Variants in MYO7B observed in about 807,000 individuals in gnomAD.
The protein encoded by MYO7B is unconventional myosin-VIIb.
In MYO7B, 212 loss-of-function variants were observed where a neutral mutation model predicts 259.7. The observed-to-expected ratio is 0.82, with a 90% CI of 0.73 to 0.91. The LOEUF (loss-of-function observed/expected upper bound fraction) is 0.91, where lower values mean the gene tolerates loss of function less well. Ranked by LOEUF, MYO7B falls within the 40% of genes least tolerant of loss-of-function variation. The probability of loss-of-function intolerance (pLI) is 0.00; values close to 1 mark genes in which losing one functional copy is unlikely to be tolerated. For missense variants in MYO7B, 2,732 were observed against 2,813.5 expected (o/e 0.97, Z 0.66); for synonymous variants, 1,197 against 1,166.4 (o/e 1.03, Z -0.54).
chr2:127,590,249 G>A lies in MYO7B; in HGVS notation c.1992+20G>A. ...CCGCTGGTAATGACAGGAGGCTGGG[G>A]CACAGCAAAGGAGGGAGGAGGAGGA... is the stretch of plus-strand genomic sequence containing the variant. On this transcript the variant is annotated intron_variant, in intron 16 of 47. Transcript: ENST00000409816. This position sits in a 1 kb window ranked among gnomAD's most constrained non-coding sequence, Gnocchi z 4.6. 2 of 1,612,502 alleles carry A rather than the reference G, an allele frequency of 1.2e-6. No individual in the cohort carries two copies. The highest frequency in any genetic ancestry group is 2.2e-5 in the South Asian group (2 of 91,046).
chr2:127,565,454 G>A lies in MYO7B; in HGVS notation c.285+69G>A, dbSNP rs1678293549. 5.1e-6 allele frequency: 8 copies of A among 1,580,076 alleles called. No individual in the cohort carries two copies. In the Admixed American group the frequency reaches 1.2e-4, roughly 24 times the overall value. ...GTGCCAACCTCCTGGACAGGGAGAAGAAAATGATGCACAGGGGGCACTGCC... is the reference window on the plus strand; with the variant it reads ...GTGCCAACCTCCTGGACAGGGAGAAAAAAATGATGCACAGGGGGCACTGCC... On this transcript the variant is annotated intron_variant, in intron 4 of 47. Coordinates refer to ENST00000409816, the MANE Select transcript of MYO7B (RefSeq NM_001393586.1).
chr2:127,593,025 C>A, intron 17 of MYO7B, 79 bp downstream of exon 17: 1 of 1,505,130 alleles, frequency 6.6e-7, no homozygotes, highest in Non-Finnish European at 9.0e-7. Context: ...CCCCCAGTAC[C>A]GAGGGGGTCT....
At chr2:127,578,386 G>GA in intron 9 of MYO7B, 100 bp downstream of exon 9, 3 of 1,460,922 alleles carry the variant, frequency 2.1e-6, no homozygotes, top group Non-Finnish European at 2.8e-6. Context: ...AGGATCCTGT[G>GA]GTCCAACCCA....
Position 127,592,903 on chromosome 2 carries a change from C to T in MYO7B, c.2102C>T (p.Ser701Leu), listed in dbSNP as rs751945329. Residue 701 changes from serine to leucine, a missense_variant, in exon 17 of 48, where the codon TCG (serine) becomes TTG (leucine). By Grantham distance (145) the Ser-to-Leu change is moderately radical. Around this residue, in one of 3 missense-constraint regions of MYO7B, gnomAD observed 1,906 missense variants for 2,026.4 expected, o/e 0.94. Coordinates refer to ENST00000409816, the MANE Select transcript of MYO7B (RefSeq NM_001393586.1). Reference protein sequence around the residue: ...FPIRYTFEEFSQRFGVLLPNA... With the variant: ...FPIRYTFEEFLQRFGVLLPNA... ...ATCCGCTACACGTTCGAGGAGTTCT[C>T]GCAGAGGTTCGGCGTGTTGCTGCCC... is the stretch of plus-strand genomic sequence containing the variant. 50 of 1,606,110 alleles carry T rather than the reference C, an allele frequency of 3.1e-5. No homozygotes were observed. In the East Asian group the frequency reaches 1.1e-3, roughly 35 times the overall value.
chr2:127,582,196 A>C, intron 11 of MYO7B, 108 bp from the exon 12 acceptor site: 1 of 1,479,648 alleles, frequency 6.8e-7, no homozygotes, highest in Non-Finnish European at 9.1e-7. Flanking sequence ...TGAAGGAGGG[A>C]TAACATCCAC....
At chr2:127,632,756 C>T (rs540389351) in intron 39 of MYO7B, among the ~76,000 whole-genome samples, 79 of 151,870 alleles carry the variant, frequency 5.2e-4, no homozygotes, top group Non-Finnish European at 7.5e-4. Context: ...CTCCCTCATC[C>T]GCCCACAGCC....
rs375437795 is a variant in MYO7B, at chr2:127,584,321, C to T, written c.1543C>T (p.Arg515Cys). The T allele has an allele frequency of 3.7e-5, 60 of 1,613,766 alleles. No individual in the cohort carries two copies. Among genetic ancestry groups the T allele is most frequent in the Non-Finnish European group, 4.7e-5 (56 of 1,179,868 alleles). ...SIISLLDEES[R>C]FPQGTDLTML... ...CATCTCCCTCCTGGACGAAGAAAGCCGCTTCCCGCAGGTGTGTGTTCGGGC... is the reference window on the plus strand; with the variant it reads ...CATCTCCCTCCTGGACGAAGAAAGCTGCTTCCCGCAGGTGTGTGTTCGGGC... The change falls in exon 13 of 48, where the codon CGC becomes TGC. Residue 515 changes from arginine to cysteine, a missense_variant. This residue lies in a region of MYO7B where 1,906 missense variants were observed against 2,026.4 expected (regional missense o/e 0.94). Coordinates refer to ENST00000409816, the MANE Select transcript of MYO7B (RefSeq NM_001393586.1). The surrounding 1 kb of genome is among the most constrained non-coding windows in gnomAD (Gnocchi z 5.8).
intron 16 of MYO7B, among the ~76,000 whole-genome samples, chr2:127,592,151 T>C (rs1679582625): frequency 6.6e-6 from 1 of 152,204 alleles, no homozygotes; most frequent in Non-Finnish European, 1.5e-5. Context: ...CCCAGCACTC[T>C]GGGACGCCAA....
At position 127,584,575 on chromosome 2, in the gene MYO7B, G is replaced by A. The variant is rs771391994; in HGVS notation, c.1555-203G>A. 6.6e-5 allele frequency among the ~76,000 whole-genome samples: 10 copies of A among 152,084 alleles called. No individual in the cohort carries two copies. The highest frequency in any genetic ancestry group is 1.2e-4 in the Non-Finnish European group (8 of 68,010). ...AGCAGAAGAGCTGGTGGTGGAGGGC[G>A]GCAGACCCGGCCTCTGCTCCCAGCT... On this transcript the variant is annotated intron_variant, in intron 13 of 47. Coordinates refer to ENST00000409816, the MANE Select transcript of MYO7B (RefSeq NM_001393586.1). This position sits in a 1 kb window ranked among gnomAD's most constrained non-coding sequence, Gnocchi z 5.8.
chr2:127,635,847 C>T lies in MYO7B; in HGVS notation c.5946C>T (p.Ile1982=). The T allele has an allele frequency of 1.3e-6, 2 of 1,584,726 alleles. No individual in the cohort carries two copies. Among genetic ancestry groups the T allele is most frequent in the Non-Finnish European group, 1.7e-6 (2 of 1,165,936 alleles). Residue 1982 remains isoleucine (I), a synonymous_variant, in exon 44 of 48, where the codon ATC becomes ATT. Transcript: ENST00000409816. ...CCCAGCTGGCTAGTGTCCCCAAGAT[C>T]CTGAGGGAACTGGTGCCTGAGAACC... is the stretch of plus-strand genomic sequence containing the variant. ...DRSQLASVPK[I]LRELVPENLT... is the part of the protein sequence containing the mutation.
Position 127,636,319 on chromosome 2 carries a change from G to A in MYO7B, c.6118G>A (p.Val2040Met). The A allele has an allele frequency of 4.3e-6, 7 of 1,613,046 alleles. No individual in the cohort carries two copies. Among genetic ancestry groups the A allele is most frequent in the Admixed American group, 1.7e-5 (1 of 59,976 alleles). ...WPTFGSAFFE[V>M]KQTSEPSYPD... is the part of the protein sequence containing the mutation. ...CACCTTCGGATCCGCCTTCTTCGAGGTGAAGGTAAACCTTGCCCCACGCCA... is the reference window on the plus strand; with the variant it reads ...CACCTTCGGATCCGCCTTCTTCGAGATGAAGGTAAACCTTGCCCCACGCCA... The change falls in exon 45 of 48, where the codon GTG (valine) becomes ATG (methionine). Residue 2040 changes from valine (V) to methionine (M), a missense_variant. Transcript: ENST00000409816. The surrounding 1 kb of genome is among the most constrained non-coding windows in gnomAD (Gnocchi z 4.5).
chr2:127,602,856 C>T (rs1211868527), intron 19 of MYO7B, among the ~76,000 whole-genome samples: 7 of 151,936 alleles, frequency 4.6e-5, no homozygotes, highest in Non-Finnish European at 5.9e-5. Flanking sequence ...AAAAATTAGC[C>T]GGGCGTGGTG....
rs1558822012 is a variant in MYO7B, at chr2:127,592,783, TCCGC to T, written c.1993-8_1993-5del. On this transcript the variant is annotated splice_polypyrimidine_tract_variant and splice_region_variant and intron_variant, in intron 16 of 47. Transcript: ENST00000409816. ...GCTTGCGCTGGGTCAGCGCCCGGTG[TCCGC>T]CCACAGCTGTTCGACCGGGAGCTGT... 5 of 1,605,602 alleles carry T rather than the reference TCCGC, an allele frequency of 3.1e-6. No individual in the cohort carries two copies. The highest frequency in any genetic ancestry group is 4.2e-6 in the Non-Finnish European group (5 of 1,176,744).
intron 12 of MYO7B, among the ~76,000 whole-genome samples, chr2:127,583,804 G>C (rs1457510999): frequency 6.6e-6 from 1 of 152,202 alleles, no homozygotes; most frequent in Non-Finnish European, 1.5e-5. Flanking sequence ...AATTGTTTCA[G>C]TGTCAGGTGG....
chr2:127,634,340 G>A, intron 41 of MYO7B, 51 bp downstream of exon 41: 12 of 1,366,564 alleles, frequency 8.8e-6, no homozygotes, highest in Non-Finnish European at 1.2e-5. Flanking sequence ...CAGTGAGCGA[G>A]GCCCTAGGTG....
At chr2:127,626,130 G>C (rs892202408) in intron 31 of MYO7B, 1 of 152,334 alleles carries the variant, frequency 6.6e-6, no homozygotes, top group Non-Finnish European at 1.5e-5. Flanking sequence ...GATGGACACA[G>C]CACAGTGGTG....
At chr2:127,572,434 C>G (rs1458417624) in intron 6 of MYO7B, among the ~76,000 whole-genome samples, 1 of 115,920 alleles carries the variant, frequency 8.6e-6, no homozygotes, top group Non-Finnish European at 1.9e-5. Flanking sequence ...AAAAAAAAGA[C>G]TTTTCTGTCT....
intron 1 of MYO7B, among the ~76,000 whole-genome samples, chr2:127,548,843 C>T (rs1453338462): frequency 6.6e-6 from 1 of 152,158 alleles, no homozygotes; most frequent in Non-Finnish European, 1.5e-5. Context: ...ACTTACCTGA[C>T]CCATGTGTTA....
Position 127,635,395 on chromosome 2 carries a change from G to T in MYO7B, c.5820+169G>T, listed in dbSNP as rs982324904. 2.9e-4 allele frequency: 192 copies of T among 667,324 alleles called. 2 individuals are homozygous for T. The African/African-American group carries it at 3.2e-3, about 11-fold the overall frequency. 41.3% of individuals were successfully genotyped at this position (667,324 alleles called of 1,614,324 possible). ...AGGGCTCTGGAACCAGGAGCAGAGG[G>T]CAGCAATGTTTGGGGACAGTGACTG... is the stretch of plus-strand genomic sequence containing the variant. On this transcript the variant is annotated intron_variant, in intron 43 of 47. Transcript: ENST00000409816.
Sources: gnomAD v4.1 joint callset for allele counts (sites outside exome capture counted in the v4.1 genomes callset) on GRCh38, gnomAD v4.1.1 for gene constraint, gnomAD v4.1.1 regional missense constraint, Gnocchi (gnomAD v3.1) non-coding constraint, MANE v1.5 for transcripts, NCBI Gene and HGNC (gene_info 2026-07-23, HGNC 2026-07-21) for gene names.